The following GPHN variants were observed in gnomAD, a reference collection of about 807,000 sequenced individuals.
GPHN encodes gephyrin.
Under a neutral mutation model 95.5 loss-of-function variants are expected in GPHN, and 17 were observed. The ratio of observed to expected loss-of-function variants is 0.18; its 90% CI spans 0.12 to 0.27. GPHN has a LOEUF of 0.27. Ranked by LOEUF, GPHN falls within the 10% of genes least tolerant of loss-of-function variation. The pLI is 1.00. For synonymous variants in GPHN, 320 were observed against 322.5 expected, an observed-to-expected ratio of 0.99 and a Z score of 0.08; for missense variants, 660 against 978.1, an observed-to-expected ratio of 0.67 and a Z score of 4.34.
intron 5 of GPHN, among the ~76,000 whole-genome samples, chr14:66,885,759 A>G (rs185647032): frequency 6.6e-6 from 1 of 152,082 alleles, no homozygotes; most frequent in Non-Finnish European, 1.5e-5. Context: ...CCCAGAGGAA[A>G]AGGCAGGCTG....
At chr14:66,725,886 A>G (rs1354095968) in intron 2 of GPHN, among the ~76,000 whole-genome samples, 1 of 152,214 alleles carries the variant, frequency 6.6e-6, no homozygotes, top group Non-Finnish European at 1.5e-5. Flanking sequence ...AAATCAGTAA[A>G]AAACTGATAA....
At chr14:67,498,084 A>G in the GPHN span, among the ~76,000 whole-genome samples, 1 of 152,162 alleles carries the variant, frequency 6.6e-6, no homozygotes, top group Non-Finnish European at 1.5e-5. Context: ...AAAGAGAACA[A>G]TTGTTTTTTC....
In GPHN at chr14:66,535,566, TAAC is replaced by T. The variant is rs1484892228; in HGVS notation, c.64+26978_64+26980del. The stretch of plus-strand genomic sequence containing the variant: ...ATCAATGTGGGGAGAATTGGCATCT[TAAC>T]AATATAGAGTCTTCTAGTCCATGAA... On this transcript the variant is annotated intron_variant, in intron 1 of 22. Transcript: ENST00000478722. Among the ~76,000 whole-genome samples the T allele has an allele frequency of 2.0e-5, 3 of 152,142 alleles. No individual in the cohort carries two copies. The East Asian group carries it at 5.8e-4, about 29-fold the overall frequency.
the GPHN span, among the ~76,000 whole-genome samples, chr14:67,231,318 G>T: frequency 5.3e-5 from 8 of 152,288 alleles, no homozygotes; most frequent in South Asian, 1.7e-3. Context: ...TTAAGGTGAT[G>T]AAAATGTTCT....
chr14:66,854,859 T>C (rs77617240), intron 4 of GPHN, among the ~76,000 whole-genome samples: 1 of 151,876 alleles, frequency 6.6e-6, no homozygotes, highest in Non-Finnish European at 1.5e-5. Context: ...TTTTTTTTTT[T>C]TCTTCTGAGA....
intron 21 of GPHN, 74 bp downstream of exon 21, chr14:67,169,110 A>G: frequency 2.3e-6 from 2 of 877,758 alleles, no homozygotes; most frequent in South Asian, 1.3e-5. Context: ...CTAACTGTCC[A>G]AAATAAACAT....
At chr14:67,044,701 A>T (rs1412499242) in intron 10 of GPHN, among the ~76,000 whole-genome samples, 2 of 151,608 alleles carry the variant, frequency 1.3e-5, no homozygotes, top group Non-Finnish European at 2.9e-5. Context: ...CATCAAAAGC[A>T]TTATAAAATA....
the GPHN span, among the ~76,000 whole-genome samples, chr14:67,305,420 CA>C: frequency 6.6e-6 from 1 of 152,154 alleles, no homozygotes; most frequent in Admixed American, 6.5e-5. Flanking sequence ...GCTGGAAACA[CA>C]GATGCATACT....
intron 2 of GPHN, among the ~76,000 whole-genome samples, chr14:66,724,760 T>C (rs1212117788): frequency 6.6e-6 from 1 of 152,220 alleles, no homozygotes; most frequent in African/African-American, 2.4e-5. Context: ...TATTTTGTGA[T>C]AGCATGTACT....
intron 6 of GPHN, among the ~76,000 whole-genome samples, chr14:66,918,866 G>A (rs1289475747): frequency 3.3e-5 from 5 of 151,942 alleles, no homozygotes; most frequent in Non-Finnish European, 5.9e-5. Flanking sequence ...AAGATAGGTC[G>A]AAAGATTAAA....
At chr14:67,084,207 C>A (rs2076801053) in intron 11 of GPHN, among the ~76,000 whole-genome samples, 1 of 152,178 alleles carries the variant, frequency 6.6e-6, no homozygotes, top group Non-Finnish European at 1.5e-5. Flanking sequence ...CCAACCAATT[C>A]TCTGTTTTAT....
At chr14:66,880,232 A>G (rs915062786) in intron 5 of GPHN, among the ~76,000 whole-genome samples, 199 bp downstream of exon 5, 3 of 152,070 alleles carry the variant, frequency 2.0e-5, no homozygotes, top group South Asian at 2.1e-4. Flanking sequence ...CCACTAATCA[A>G]TACACTATAT....
intron 3 of GPHN, among the ~76,000 whole-genome samples, chr14:66,779,007 G>A (rs1233192635): frequency 6.6e-6 from 1 of 151,886 alleles, no homozygotes; most frequent in Non-Finnish European, 1.5e-5. Context: ...GCCTCCCAAA[G>A]TGCTGGGATT....
At chr14:67,184,730 G>A (rs923676064), downstream of GPHN, among the ~76,000 whole-genome samples, 2 of 152,142 alleles carry the variant, frequency 1.3e-5, no homozygotes, top group Non-Finnish European at 2.9e-5. Flanking sequence ...ACAGGTTAGG[G>A]GTTCACAGAA....
rs1459108874 is a variant in GPHN at position 66,613,347 on chromosome 14, CA to C, written c.65-67759del. 2.6e-5 allele frequency among the ~76,000 whole-genome samples: 4 copies of C among 152,058 alleles called. No homozygotes were observed. The East Asian group carries it at 7.7e-4, about 29-fold the overall frequency. On this transcript the variant is annotated intron_variant, in intron 1 of 22. Transcript: ENST00000478722. ...AGGCACACCACAGCCTTCTTGCACT[CA>C]GGAATACTACACAGCACTTCAGTAT...
the GPHN span, among the ~76,000 whole-genome samples, chr14:67,410,005 G>A: frequency 2.6e-5 from 4 of 152,226 alleles, no homozygotes; most frequent in East Asian, 7.7e-4. Flanking sequence ...CTCCATCCCA[G>A]TCTTTGGGTC....
intron 10 of GPHN, among the ~76,000 whole-genome samples, chr14:67,043,505 GGTT>G (rs2074829154): frequency 6.6e-6 from 1 of 152,112 alleles, no homozygotes; most frequent in Non-Finnish European, 1.5e-5. Flanking sequence ...TTTTGTCATT[GGTT>G]TGGTTTATGT....
the GPHN span, among the ~76,000 whole-genome samples, chr14:67,721,995 A>G: frequency 6.6e-6 from 1 of 152,162 alleles, no homozygotes; most frequent in Non-Finnish European, 1.5e-5. Flanking sequence ...AAAGTGCACA[A>G]GTCGAAAGCA....
At chr14:67,045,675 C>T (rs2074977781) in intron 10 of GPHN, among the ~76,000 whole-genome samples, 1 of 151,028 alleles carries the variant, frequency 6.6e-6, no homozygotes, top group Non-Finnish European at 1.5e-5. Context: ...CTGTCTCTCC[C>T]TCTCTTGGTC....
Sources: allele counts gnomAD v4.1 joint callset (sites outside exome capture counted in the v4.1 genomes callset), GRCh38; gene constraint gnomAD v4.1.1; transcripts MANE v1.5; gene names NCBI Gene and HGNC (gene_info 2026-07-23, HGNC 2026-07-21).